Variants in SHISA6 observed in about 807,000 individuals in gnomAD.
SHISA6 encodes shisa family member 6.
SHISA6 carries 22 observed loss-of-function variants against 47.9 expected under a neutral mutation model. That is an observed-to-expected ratio of 0.46 (90% CI 0.33 to 0.66). The LOEUF is 0.66. Ranked by LOEUF, SHISA6 falls within the 30% of genes least tolerant of loss-of-function variation. The probability of loss-of-function intolerance (pLI) is 0.02; values close to 1 mark genes in which losing one functional copy is unlikely to be tolerated. For missense variants in SHISA6, 680 were observed against 764.6 expected (o/e 0.89, Z 1.30); for synonymous variants, 388 against 337.8 (o/e 1.15, Z -1.63).
intron 3 of SHISA6, among the ~76,000 whole-genome samples, chr17:11,412,148 T>G (rs1914140246): frequency 6.6e-6 from 1 of 152,218 alleles, no homozygotes; most frequent in Non-Finnish European, 1.5e-5. Flanking sequence ...CTTTCCACTT[T>G]ACTGGCTTTG....
intron 2 of SHISA6, among the ~76,000 whole-genome samples, chr17:11,281,130 C>T (rs1052915110): frequency 2.0e-5 from 3 of 152,000 alleles, no homozygotes; most frequent in African/African-American, 7.2e-5. Context: ...TTACTTCTTC[C>T]CTTATTATTT....
chr17:11,489,065 A>G (rs1916416083), intron 3 of SHISA6, among the ~76,000 whole-genome samples: 1 of 152,134 alleles, frequency 6.6e-6, no homozygotes, highest in African/African-American at 2.4e-5. Context: ...AGGCTAGGCA[A>G]GATGTCTCCA....
At chr17:11,252,588 TGCTAG>T (rs1256293847) in intron 1 of SHISA6, among the ~76,000 whole-genome samples, 2 of 152,160 alleles carry the variant, frequency 1.3e-5, no homozygotes, top group African/African-American at 4.8e-5. Context: ...TATGGATCTT[TGCTAG>T]GAGTCAGGCA....
intron 3 of SHISA6, among the ~76,000 whole-genome samples, chr17:11,454,885 A>G (rs774815685): frequency 6.6e-6 from 1 of 152,114 alleles, no homozygotes; most frequent in African/African-American, 2.4e-5. Flanking sequence ...AAAATGTTCA[A>G]TGGGCTGGGC....
rs570477565 is a variant in SHISA6 at position 11,306,156 on chromosome 17, G to T, written c.799+42630G>T. Among the ~76,000 whole-genome samples, 10 of 152,244 alleles carry T rather than the reference G, an allele frequency of 6.6e-5. No individual in the cohort carries two copies. The South Asian group carries it at 2.1e-3, about 32-fold the overall frequency. ...CTGCAAACCATATACCACTAATTAG[G>T]TTGATCTTACCTAGGTCTGAGTTCA... On this transcript the variant is annotated intron_variant, in intron 2 of 5. Coordinates refer to ENST00000441885, the MANE Select transcript of SHISA6 (RefSeq NM_207386.4).
At chr17:11,528,308 G>C (rs374162453) in intron 3 of SHISA6, among the ~76,000 whole-genome samples, 2 of 152,306 alleles carry the variant, frequency 1.3e-5, no homozygotes, top group South Asian at 2.1e-4. Flanking sequence ...TATACTGTGT[G>C]TCCCTGAAAT....
chr17:11,282,474 G>A (rs1207324288), intron 2 of SHISA6, among the ~76,000 whole-genome samples: 1 of 151,710 alleles, frequency 6.6e-6, no homozygotes, highest in Non-Finnish European at 1.5e-5. Context: ...AGGTATACAT[G>A]TGCCATGTTG....
chr17:11,455,538 T>A (rs1371641816), intron 3 of SHISA6, among the ~76,000 whole-genome samples: 1 of 152,104 alleles, frequency 6.6e-6, no homozygotes, highest in Non-Finnish European at 1.5e-5. Flanking sequence ...GAAGTGTGTG[T>A]ACAAGCGTGG....
At chr17:11,385,747 G>C (rs1035328407) in intron 3 of SHISA6, among the ~76,000 whole-genome samples, 7 of 152,122 alleles carry the variant, frequency 4.6e-5, no homozygotes, top group African/African-American at 1.7e-4. Flanking sequence ...GGGAGAGGCT[G>C]GGGGGATGAG....
intron 3 of SHISA6, among the ~76,000 whole-genome samples, chr17:11,407,968 A>G (rs558016821): frequency 1.3e-5 from 2 of 152,162 alleles, no homozygotes; most frequent in Non-Finnish European, 2.9e-5. Flanking sequence ...AAGAGTTAGA[A>G]TCAATATTTC....
At chr17:11,253,211 T>C (rs1264955845) in intron 1 of SHISA6, among the ~76,000 whole-genome samples, 1 of 152,158 alleles carries the variant, frequency 6.6e-6, no homozygotes, top group Admixed American at 6.5e-5. Flanking sequence ...CCCCTCTCTG[T>C]CCGACTTGCC....
At chr17:11,418,216 T>C (rs899607079) in intron 3 of SHISA6, among the ~76,000 whole-genome samples, 1 of 152,130 alleles carries the variant, frequency 6.6e-6, no homozygotes, top group African/African-American at 2.4e-5. Flanking sequence ...TTTAAAAAAA[T>C]CTTGGTGTCC....
chr17:11,473,173 A>T (rs991348235), intron 3 of SHISA6, among the ~76,000 whole-genome samples: 5 of 152,212 alleles, frequency 3.3e-5, no homozygotes, highest in Non-Finnish European at 7.3e-5. Flanking sequence ...CATGGAGCCC[A>T]GCTTGTCAAT....
intron 2 of SHISA6, among the ~76,000 whole-genome samples, chr17:11,302,312 A>C (rs978887535): frequency 1.3e-5 from 2 of 152,200 alleles, no homozygotes; most frequent in South Asian, 4.1e-4. Context: ...AATAGACCAC[A>C]AAATGTTATG....
At chr17:11,320,345 G>C (rs1439943363) in intron 2 of SHISA6, among the ~76,000 whole-genome samples, 1 of 152,074 alleles carries the variant, frequency 6.6e-6, no homozygotes, top group African/African-American at 2.4e-5. Flanking sequence ...TTGTGCATGG[G>C]GGGTGGGGCT....
At chr17:11,441,752 C>T (rs1915098922) in intron 3 of SHISA6, among the ~76,000 whole-genome samples, 1 of 152,184 alleles carries the variant, frequency 6.6e-6, no homozygotes, top group African/African-American at 2.4e-5. Flanking sequence ...GAATATCCAG[C>T]ATCCTGCCAC....
chr17:11,323,258 C>T (rs1910768612), intron 2 of SHISA6, among the ~76,000 whole-genome samples: 2 of 152,168 alleles, frequency 1.3e-5, no homozygotes, highest in African/African-American at 4.8e-5. Context: ...AGAAAGCTGG[C>T]TCTCATCTCA....
intron 2 of SHISA6, among the ~76,000 whole-genome samples, chr17:11,361,190 G>T (rs761075162): frequency 2.7e-5 from 4 of 148,952 alleles, no homozygotes; most frequent in Non-Finnish European, 4.5e-5. Context: ...CCCTACGTTA[G>T]TTTTTTTTTC....
intron 3 of SHISA6, among the ~76,000 whole-genome samples, chr17:11,537,359 G>C (rs561879242): frequency 6.6e-6 from 1 of 150,380 alleles, no homozygotes; most frequent in Non-Finnish European, 1.5e-5. Context: ...GGGTGGCGGC[G>C]GGGGGGATCC....
Sources: gnomAD v4.1 joint callset for allele counts (sites outside exome capture counted in the v4.1 genomes callset) on GRCh38, gnomAD v4.1.1 for gene constraint, MANE v1.5 for transcripts, NCBI Gene and HGNC (gene_info 2026-07-23, HGNC 2026-07-21) for gene names.